Variants in ZDHHC21 observed in about 807,000 individuals in gnomAD.
The protein encoded by ZDHHC21 is zDHHC palmitoyltransferase 21.
A neutral mutation model predicts 34.6 loss-of-function variants in ZDHHC21; 15 were observed. The observed-to-expected ratio is 0.43, with a 90% CI of 0.29 to 0.67. The LOEUF (loss-of-function observed/expected upper bound fraction) is 0.67. Among genes scored for constraint, ZDHHC21 ranks in the 30% least tolerant of loss-of-function variants. ZDHHC21 has a pLI of 0.14. For synonymous variants in ZDHHC21, 142 were observed against 101.8 expected (o/e 1.40, Z -2.38); for missense variants, 344 against 327.7 (o/e 1.05, Z -0.38).
chr9:14,594,547 A>G, the ZDHHC21 span, among the ~76,000 whole-genome samples: 1 of 152,202 alleles, frequency 6.6e-6, no homozygotes, highest in Non-Finnish European at 1.5e-5. Context: ...CACAGTATAC[A>G]TAAAAATTAA....
intron 8 of ZDHHC21, among the ~76,000 whole-genome samples, chr9:14,629,685 A>AG (rs774326945): frequency 2.0e-5 from 3 of 152,148 alleles, no homozygotes; most frequent in Non-Finnish European, 2.9e-5. Context: ...TTTTGCTGGT[A>AG]GGGGGTCTTA....
intron 7 of ZDHHC21, 63 bp downstream of exon 7, chr9:14,658,686 T>C (rs1052279883): frequency 2.9e-6 from 4 of 1,356,296 alleles, no homozygotes; most frequent in African/African-American, 1.5e-5. Flanking sequence ...TTAGCCAGGA[T>C]GGTCTCGATC....
At chr9:14,605,639 G>A in the ZDHHC21 span, among the ~76,000 whole-genome samples, 3 of 152,100 alleles carry the variant, frequency 2.0e-5, no homozygotes, top group Non-Finnish European at 4.4e-5. Context: ...TCGATAGACT[G>A]CCATTTGATT....
intron 8 of ZDHHC21, among the ~76,000 whole-genome samples, chr9:14,621,067 GAAGT>G (rs1266794060): frequency 1.3e-5 from 2 of 152,072 alleles, no homozygotes; most frequent in East Asian, 3.9e-4. Flanking sequence ...ATCTGTAAAG[GAAGT>G]AAGTCATTTT....
At chr9:14,606,292 G>A (rs890711976), downstream of ZDHHC21, among the ~76,000 whole-genome samples, 1 of 152,146 alleles carries the variant, frequency 6.6e-6, no homozygotes, top group Non-Finnish European at 1.5e-5. Flanking sequence ...TGTGACTTCT[G>A]AAGCTAGGTG....
At chr9:14,658,987 T>TTAAG in intron 6 of ZDHHC21, 100 bp from the exon 7 acceptor site, 2 of 1,219,942 alleles carry the variant, frequency 1.6e-6, no homozygotes, top group Non-Finnish European at 2.3e-6. Context: ...TCACATATGC[T>TTAAG]TAACTTCATG....
rs566640717 is a variant in ZDHHC21 at position 14,617,136 on chromosome 9, C to T, written c.*1830G>A. The T allele has an allele frequency of 2.0e-5, 3 of 152,080 alleles. No homozygotes were observed. The South Asian group carries it at 6.2e-4, about 31-fold the overall frequency. The allele number at this position is 152,080 out of a possible 1,614,324, so 9.4% of individuals were successfully genotyped here. A position where few individuals can be genotyped will look rare whatever the true frequency, so the allele number is the denominator to read the frequency against. On this transcript the variant is annotated 3_prime_UTR_variant, in exon 10 of 10. Coordinates refer to ENST00000380916, the MANE Select transcript of ZDHHC21 (RefSeq NM_178566.6). The stretch of plus-strand genomic sequence containing the variant: ...TACTTCCTTATGAACAGTTCTGTCA[C>T]CAGGCCAAATGTGGCCAAATTAGCT...
At chr9:14,664,246 A>G (rs1833953862) in intron 5 of ZDHHC21, among the ~76,000 whole-genome samples, 1 of 152,130 alleles carries the variant, frequency 6.6e-6, no homozygotes, top group African/African-American at 2.4e-5. Context: ...GAAAGGGGTG[A>G]CGGACGCACC....
intron 2 of ZDHHC21, among the ~76,000 whole-genome samples, chr9:14,685,701 T>C (rs1331585939): frequency 2.0e-5 from 3 of 152,244 alleles, no homozygotes; most frequent in African/African-American, 7.2e-5. Flanking sequence ...ATCCCATTAC[T>C]GGGTATATAC....
chr9:14,633,333 G>A (rs1050690653), intron 8 of ZDHHC21, among the ~76,000 whole-genome samples: 2 of 152,122 alleles, frequency 1.3e-5, no homozygotes, highest in African/African-American at 4.8e-5. Flanking sequence ...CCCCAGTGCA[G>A]GAAAAGGGTA....
intron 1 of ZDHHC21, 92 bp from the exon 2 acceptor site, chr9:14,690,477 G>A (rs1405015056): frequency 5.0e-6 from 2 of 403,020 alleles, no homozygotes; most frequent in African/African-American, 2.1e-5. Context: ...ATTCACCAGT[G>A]AATGGTAAAA....
chr9:14,633,823 C>G (rs773781491), intron 8 of ZDHHC21, among the ~76,000 whole-genome samples: 2 of 152,192 alleles, frequency 1.3e-5, no homozygotes, highest in Non-Finnish European at 2.9e-5. Context: ...CAATCCCCAG[C>G]CCGCTGCATA....
At chr9:14,605,342 T>C in the ZDHHC21 span, among the ~76,000 whole-genome samples, 1 of 152,066 alleles carries the variant, frequency 6.6e-6, no homozygotes, top group Non-Finnish European at 1.5e-5. Context: ...AGGGTTCCAA[T>C]TTCCCCACAT....
At chr9:14,670,544 G>C (rs1386079750) in intron 5 of ZDHHC21, among the ~76,000 whole-genome samples, 1 of 152,208 alleles carries the variant, frequency 6.6e-6, no homozygotes, top group East Asian at 1.9e-4. Context: ...AGTTGTAATA[G>C]AGACTGTATG....
intron 1 of ZDHHC21, among the ~76,000 whole-genome samples, chr9:14,692,748 G>C (rs1030363319): frequency 6.6e-6 from 1 of 152,042 alleles, no homozygotes; most frequent in Non-Finnish European, 1.5e-5. Flanking sequence ...CAAACTGTTT[G>C]TCCTCTCTGC....
chr9:14,647,563 G>A (rs776999518), intron 7 of ZDHHC21, among the ~76,000 whole-genome samples: 4 of 152,022 alleles, frequency 2.6e-5, no homozygotes, highest in South Asian at 2.1e-4. Flanking sequence ...TCTCAACCCC[G>A]ACGGGAGCTC....
At chr9:14,637,610 G>GT (rs2133673261) in intron 8 of ZDHHC21, among the ~76,000 whole-genome samples, 1 of 151,952 alleles carries the variant, frequency 6.6e-6, no homozygotes, top group Admixed American at 6.5e-5. Flanking sequence ...TGTGTTGATG[G>GT]TATCTTATAT....
intron 5 of ZDHHC21, among the ~76,000 whole-genome samples, chr9:14,665,652 G>T (rs1297084544): frequency 1.5e-5 from 2 of 136,912 alleles, no homozygotes; most frequent in Non-Finnish European, 3.2e-5. Flanking sequence ...CGGATCTCTC[G>T]GCAGAAACCC....
At chr9:14,597,033 A>G in the ZDHHC21 span, among the ~76,000 whole-genome samples, 1 of 152,070 alleles carries the variant, frequency 6.6e-6, no homozygotes, top group African/African-American at 2.4e-5. Flanking sequence ...TCCATTGTGA[A>G]CTCCTGCAAT....
Sources: gnomAD v4.1 joint callset for allele counts (sites outside exome capture counted in the v4.1 genomes callset) on GRCh38, gnomAD v4.1.1 for gene constraint, MANE v1.5 for transcripts, NCBI Gene and HGNC (gene_info 2026-07-23, HGNC 2026-07-21) for gene names.